Variants in CCSER1 observed in about 807,000 individuals in gnomAD.
CCSER1 encodes coiled-coil serine rich protein 1.
CCSER1 carries 41 observed loss-of-function variants against 82.0 expected under a neutral mutation model. That is an observed-to-expected ratio of 0.50 (90% CI 0.39 to 0.65). The LOEUF (loss-of-function observed/expected upper bound fraction) is 0.65, where lower values mean the gene tolerates loss of function less well. Among genes scored for constraint, CCSER1 ranks in the 30% least tolerant of loss-of-function variants. The pLI, the probability that CCSER1 is intolerant of heterozygous loss-of-function variation, is 0.00. For synonymous variants in CCSER1, 414 were observed against 383.9 expected (o/e 1.08, Z -0.92); for missense variants, 1,119 against 1,064.2 (o/e 1.05, Z -0.72).
chr4:91,460,158 C>A (rs1756425340), intron 10 of CCSER1, among the ~76,000 whole-genome samples: 1 of 152,108 alleles, frequency 6.6e-6, no homozygotes, highest in Non-Finnish European at 1.5e-5. Context: ...AGTAATTTGT[C>A]TTTAATTTGC....
At chr4:90,595,940 C>T (rs1028962679) in intron 5 of CCSER1, among the ~76,000 whole-genome samples, 1 of 151,814 alleles carries the variant, frequency 6.6e-6, no homozygotes, top group Admixed American at 6.6e-5. Context: ...AAGACAGGTG[C>T]TTTGCAAATT....
rs113704097 is a variant in CCSER1, at chr4:91,029,090, G to A, written c.2173-56860G>A. Among the ~76,000 whole-genome samples the A allele has an allele frequency of 2.5e-3, 384 of 151,980 alleles. 3 individuals are homozygous for A. The highest frequency in any genetic ancestry group is 4.5e-3 in the Non-Finnish European group (306 of 67,912). On this transcript the variant is annotated intron_variant, in intron 9 of 10. Coordinates refer to ENST00000509176, the MANE Select transcript of CCSER1 (RefSeq NM_001145065.2). Reference sequence around the variant, plus strand: ...TTGAATAAATTCAAAACAAGCTCAGGAAAAAGAGTATAGAGTGATCCTCTT... The same window carrying A: ...TTGAATAAATTCAAAACAAGCTCAGAAAAAAGAGTATAGAGTGATCCTCTT...
At chr4:90,707,913 C>T (rs1193090859) in intron 6 of CCSER1, among the ~76,000 whole-genome samples, 2 of 152,102 alleles carry the variant, frequency 1.3e-5, no homozygotes, top group African/African-American at 4.8e-5. Flanking sequence ...ACACAGCTTT[C>T]GGTTTACAAG....
chr4:91,161,037 T>C (rs911880436), intron 10 of CCSER1, among the ~76,000 whole-genome samples: 6 of 152,184 alleles, frequency 3.9e-5, no homozygotes, highest in Admixed American at 3.3e-4. Flanking sequence ...TGATTTTAGG[T>C]TTAACATTTA....
intron 1 of CCSER1, among the ~76,000 whole-genome samples, chr4:90,233,322 A>G (rs1745040912): frequency 6.6e-6 from 1 of 152,164 alleles, no homozygotes; most frequent in African/African-American, 2.4e-5. Flanking sequence ...TGTCCTTTGT[A>G]GGGACACGGA....
intron 9 of CCSER1, among the ~76,000 whole-genome samples, chr4:90,928,835 T>A (rs1335826010): frequency 6.6e-6 from 1 of 152,112 alleles, no homozygotes; most frequent in Admixed American, 6.5e-5. Context: ...AATAGCTTCA[T>A]TTACACATCA....
At chr4:90,639,298 A>T (rs1296431302) in intron 6 of CCSER1, among the ~76,000 whole-genome samples, 3 of 151,832 alleles carry the variant, frequency 2.0e-5, no homozygotes, top group African/African-American at 7.2e-5. Flanking sequence ...AAAATTATCA[A>T]TAATTTTTAA....
chr4:90,442,165 AG>A (rs763634969), intron 4 of CCSER1, among the ~76,000 whole-genome samples: 1 of 152,118 alleles, frequency 6.6e-6, no homozygotes, highest in Non-Finnish European at 1.5e-5. Context: ...TCTCACAACG[AG>A]GGGGGTCATC....
intron 1 of CCSER1, among the ~76,000 whole-genome samples, chr4:90,288,436 A>C (rs28401445): frequency 0.09 from 13,723 of 151,908 alleles, 1,362 homozygotes; most frequent in East Asian, 0.25. Flanking sequence ...TAAGACATAC[A>C]TCACTGTTAA....
rs1739170674 is a variant in CCSER1 at position 90,207,786 on chromosome 4, G to T, written c.-42+79955G>T. ...GCAGGTCTGCTGGAGTTTGCTTGAG[G>T]TCCACTCCAGAACCTGTTTGCCTGC... On this transcript the variant is annotated intron_variant, in intron 1 of 10. Coordinates refer to ENST00000509176, the MANE Select transcript of CCSER1 (RefSeq NM_001145065.2). 3.3e-5 allele frequency among the ~76,000 whole-genome samples: 5 copies of T among 152,262 alleles called. 1 individual carries two copies. The highest frequency in any genetic ancestry group is 3.3e-4 in the Admixed American group (5 of 15,290).
At position 90,171,473 on chromosome 4, in the gene CCSER1, C is replaced by A. The variant is rs1731660807; in HGVS notation, c.-42+43642C>A. On this transcript the variant is annotated intron_variant, in intron 1 of 10. Coordinates refer to ENST00000509176, the MANE Select transcript of CCSER1 (RefSeq NM_001145065.2). Reference sequence around the variant, plus strand: ...TATTATATATCATTTACTTAAAAACCTTTTAATCACACCCTGATTAATTTG... The same window carrying A: ...TATTATATATCATTTACTTAAAAACATTTTAATCACACCCTGATTAATTTG... Among the ~76,000 whole-genome samples the A allele has an allele frequency of 2.6e-5, 4 of 151,916 alleles. No individual in the cohort carries two copies. In the South Asian group the frequency reaches 6.2e-4, roughly 24 times the overall value.
At position 91,302,622 on chromosome 4, in the gene CCSER1, T is replaced by C. The variant is rs890784688; in HGVS notation, c.2217+216628T>C. Among the ~76,000 whole-genome samples, 23 of 152,118 alleles carry C rather than the reference T, an allele frequency of 1.5e-4. No homozygotes were observed. The East Asian group carries it at 4.5e-3, about 30-fold the overall frequency. ...TATGGCTTATTTATTGTGATATAAA[T>C]CCAAACTTCTCACCATGGCTTAAAA... On this transcript the variant is annotated intron_variant, in intron 10 of 10. Transcript: ENST00000509176.
chr4:91,148,434 T>G (rs1260294774), intron 10 of CCSER1, among the ~76,000 whole-genome samples: 1 of 152,110 alleles, frequency 6.6e-6, no homozygotes, highest in African/African-American at 2.4e-5. Context: ...TTCATTTAAT[T>G]AGTATTTCTT....
At chr4:90,881,627 A>C (rs1452997029) in intron 8 of CCSER1, among the ~76,000 whole-genome samples, 1 of 151,958 alleles carries the variant, frequency 6.6e-6, no homozygotes, top group Admixed American at 6.6e-5. Flanking sequence ...CAACAACAAC[A>C]ACAAAAAATT....
At chr4:90,892,952 A>C (rs1313198603) in intron 8 of CCSER1, among the ~76,000 whole-genome samples, 2 of 152,088 alleles carry the variant, frequency 1.3e-5, no homozygotes, top group Non-Finnish European at 2.9e-5. Context: ...TGCTGTATTA[A>C]TACTGTGATT....
chr4:90,995,930 G>C (rs1737455734), intron 9 of CCSER1, among the ~76,000 whole-genome samples: 1 of 151,894 alleles, frequency 6.6e-6, no homozygotes, highest in African/African-American at 2.4e-5. Flanking sequence ...AACTATATAT[G>C]TATAAGCATC....
chr4:91,216,566 C>T lies in CCSER1; in HGVS notation c.2217+130572C>T, dbSNP rs142807968. Among the ~76,000 whole-genome samples the T allele has an allele frequency of 5.5e-4, 83 of 152,250 alleles. No homozygotes were observed. The East Asian group carries it at 8.9e-3, about 16-fold the overall frequency. On this transcript the variant is annotated intron_variant, in intron 10 of 10. Transcript: ENST00000509176. ...CCATCTCCTGACTTCGTGATCCACC[C>T]ATCTCGGCCTCCCAAAGTGCTGGGA...
intron 5 of CCSER1, among the ~76,000 whole-genome samples, chr4:90,610,519 C>G (rs1270586412): frequency 2.6e-5 from 4 of 152,106 alleles, no homozygotes; most frequent in African/African-American, 9.6e-5. Context: ...TATTTTAGCT[C>G]TTTTTGCTTT....
At chr4:91,219,954 CCT>C (rs534878745) in intron 10 of CCSER1, among the ~76,000 whole-genome samples, 6 of 152,008 alleles carry the variant, frequency 3.9e-5, no homozygotes, top group Non-Finnish European at 7.4e-5. Flanking sequence ...GTTTTTAGAA[CCT>C]CTCTTAAAAT....
Sources: gnomAD v4.1 joint callset for allele counts (sites outside exome capture counted in the v4.1 genomes callset) on GRCh38, gnomAD v4.1.1 for gene constraint, MANE v1.5 for transcripts, NCBI Gene and HGNC (gene_info 2026-07-23, HGNC 2026-07-21) for gene names.